The following FASTKD1 variants were observed in gnomAD, a reference collection of about 807,000 sequenced individuals.
FASTKD1 encodes the protein FAST kinase domains 1.
In FASTKD1, 94 loss-of-function variants were observed where a neutral mutation model predicts 90.9. The observed-to-expected ratio is 1.03, with a 90% CI of 0.88 to 1.23. The LOEUF is 1.23. Among genes scored for constraint, FASTKD1 ranks in the 50% most tolerant of loss-of-function variants. The pLI is 0.00. For synonymous variants in FASTKD1, 319 were observed against 345.8 expected (o/e 0.92, Z 0.86); for missense variants, 945 against 993.5 (o/e 0.95, Z 0.66).
At chr2:169,567,071 C>T (rs974577964) in intron 3 of FASTKD1, among the ~76,000 whole-genome samples, 1 of 151,308 alleles carries the variant, frequency 6.6e-6, no homozygotes, top group Non-Finnish European at 1.5e-5. Context: ...GCTGAGATCA[C>T]ACCACTACGC....
At chr2:169,537,027 A>G in intron 12 of FASTKD1, 200 bp downstream of exon 12, 1 of 400,702 alleles carries the variant, frequency 2.5e-6, no homozygotes. Context: ...AGAATAGAAA[A>G]CGCTCTTGGT....
intron 12 of FASTKD1, among the ~76,000 whole-genome samples, chr2:169,534,964 CA>C (rs1202878278): frequency 1.3e-5 from 2 of 151,244 alleles, no homozygotes; most frequent in Non-Finnish European, 1.5e-5. Context: ...CTATGTTAAG[CA>C]TGTCTCATGT....
At chr2:169,563,416 G>A (rs1388370791) in intron 3 of FASTKD1, 66 bp from the exon 4 acceptor site, 2 of 1,137,716 alleles carry the variant, frequency 1.8e-6, no homozygotes, top group Admixed American at 2.8e-5. Context: ...ATAATATATA[G>A]TTATAAAATT....
In FASTKD1 at chr2:169,572,147, G is replaced by A. The variant is rs1684263541; in HGVS notation, c.-118C>T. ...GTATTTTGCTTCCATTACAATGACT[G>A]TAAACGCATTCCAATGTACAGCTTC... On this transcript the variant is annotated 5_prime_UTR_variant, in exon 2 of 15. It introduces an in-frame stop codon into an upstream open reading frame of the 5' UTR. Transcript: ENST00000453153. The A allele has an allele frequency of 3.3e-6, 4 of 1,201,138 alleles. No homozygotes were observed. Among genetic ancestry groups the A allele is most frequent in the Non-Finnish European group, 4.5e-6 (4 of 882,796 alleles). 74.4% of individuals were successfully genotyped at this position (1,201,138 alleles called of 1,614,324 possible). A position where few individuals can be genotyped will look rare whatever the true frequency, so the allele number is the denominator to read the frequency against.
At position 169,572,061 on chromosome 2, in the gene FASTKD1, C is replaced by T; in HGVS notation, c.-32G>A. ...CACAAGTTTTCTTAGGTAAACAAAA[C>T]CATCTGCAACTAGTCGTCAGGTGCA... is the stretch of plus-strand genomic sequence containing the variant. On this transcript the variant is annotated 5_prime_UTR_variant, in exon 2 of 15. Coordinates refer to ENST00000453153, the MANE Select transcript of FASTKD1 (RefSeq NM_024622.6). 6.5e-7 allele frequency: 1 copy of T among 1,536,968 alleles called. No individual in the cohort carries two copies. The highest frequency in any genetic ancestry group is 1.3e-5 in the South Asian group (1 of 77,982).
At position 169,528,833 on chromosome 2, in the gene FASTKD1, C is replaced by T. The variant is rs1350352422; in HGVS notation, c.*992G>A. Among the ~76,000 whole-genome samples, 6 of 152,082 alleles carry T rather than the reference C, an allele frequency of 3.9e-5. No individual in the cohort carries two copies. The highest frequency in any genetic ancestry group is 1.5e-5 in the Non-Finnish European group (1 of 68,016). On this transcript the variant is annotated 3_prime_UTR_variant, in exon 15 of 15. Coordinates refer to ENST00000453153, the MANE Select transcript of FASTKD1 (RefSeq NM_024622.6). ...CACCTCCCCCTTGAAATGCTTTATC[C>T]ACTTGGCTTCTAGGAAGTATTACTT...
Position 169,571,906 on chromosome 2 carries a change from G to C in FASTKD1, c.124C>G (p.Gln42Glu), listed in dbSNP as rs1481461310. The change falls in exon 2 of 15, where the codon CAG (glutamine) becomes GAG (glutamate). Residue 42 changes from glutamine (Q) to glutamate (E), a missense_variant. Transcript: ENST00000453153. ...RPISCEPLII[Q>E]MNKCTDEEQM... Reference sequence around the variant, plus strand: ...TCCTCATCTGTACACTTATTCATCTGAATAATTAGTGGTTCACAACTGATG... The same window carrying C: ...TCCTCATCTGTACACTTATTCATCTCAATAATTAGTGGTTCACAACTGATG... 1.2e-6 allele frequency: 2 copies of C among 1,613,888 alleles called. No homozygotes were observed. The highest frequency in any genetic ancestry group is 2.7e-5 in the African/African-American group (2 of 74,906).
rs562433145 is a variant in FASTKD1, at chr2:169,570,519, A to C, written c.377+1134T>G. Reference sequence around the variant, plus strand: ...ATAAATGAATCTACAAAATCATTTTATTTCTTTTTCCTTTTAAGGGCTATT... The same window carrying C: ...ATAAATGAATCTACAAAATCATTTTCTTTCTTTTTCCTTTTAAGGGCTATT... On this transcript the variant is annotated intron_variant, in intron 2 of 14. Transcript: ENST00000453153. Among the ~76,000 whole-genome samples, 84 of 152,216 alleles carry C rather than the reference A, an allele frequency of 5.5e-4. 1 individual carries two copies. Among genetic ancestry groups the C allele is most frequent in the African/African-American group, 1.7e-3 (71 of 41,534 alleles).
At chr2:169,543,649 C>T (rs1685058183) in intron 9 of FASTKD1, among the ~76,000 whole-genome samples, 1 of 152,158 alleles carries the variant, frequency 6.6e-6, no homozygotes, top group African/African-American at 2.4e-5. Flanking sequence ...CATACGCATA[C>T]GCGCTTGTGC....
intron 14 of FASTKD1, 30 bp from the exon 15 acceptor site, chr2:169,529,956 A>C (rs1380073435): frequency 1.3e-6 from 2 of 1,493,920 alleles, no homozygotes; most frequent in African/African-American, 2.8e-5. Flanking sequence ...TTTGAATGAA[A>C]GTTTTAAAGC....
chr2:169,553,926 AAAAT>A (rs937175546), intron 7 of FASTKD1, among the ~76,000 whole-genome samples: 18 of 151,972 alleles, frequency 1.2e-4, no homozygotes, highest in Admixed American at 5.2e-4. Context: ...CATCTCAAAA[AAAAT>A]AAATAAATAA....
intron 4 of FASTKD1, among the ~76,000 whole-genome samples, chr2:169,562,024 A>ATTATTAATTTATTGTAAATTAT (rs1683695838): frequency 8.6e-6 from 1 of 115,692 alleles, no homozygotes; most frequent in African/African-American, 3.3e-5. Flanking sequence ...TTGTAAATTA[A>ATTATTAATTTATTGTAAATTAT]TTATTTATTA....
intron 6 of FASTKD1, among the ~76,000 whole-genome samples, chr2:169,556,207 C>T (rs978163399): frequency 6.6e-6 from 1 of 151,450 alleles, no homozygotes; most frequent in Non-Finnish European, 1.5e-5. Flanking sequence ...GAGGCTGAGG[C>T]GGATGGATTC....
chr2:169,531,628 A>G (rs1206876152), intron 12 of FASTKD1, 138 bp from the exon 13 acceptor site: 1 of 653,048 alleles, frequency 1.5e-6, no homozygotes, highest in Admixed American at 3.4e-5. Context: ...CTCTCAGATT[A>G]TCCAAGTTAT....
chr2:169,573,231 T>A (rs1487863586), intron 1 of FASTKD1: 5 of 152,172 alleles, frequency 3.3e-5, no homozygotes, highest in African/African-American at 1.2e-4. Context: ...TACAGGCTAT[T>A]TTGTGGCAAG....
Position 169,530,672 on chromosome 2 carries a change from G to T in FASTKD1, c.2357C>A (p.Ala786Glu). Reference sequence around the variant, plus strand: ...CATGTGAGGGATATTTCTACAAAGTGCTTTTGAATCCAAAAATTCCAAAGC... The same window carrying T: ...CATGTGAGGGATATTTCTACAAAGTTCTTTTGAATCCAAAAATTCCAAAGC... The part of the protein sequence containing the change: ...RIALEFLDSK[A>E]LCRNIPHMKG... The change falls in exon 14 of 15, where the codon GCA becomes GAA. Residue 786 changes from alanine (A) to glutamate (E), a missense_variant. Coordinates refer to ENST00000453153, the MANE Select transcript of FASTKD1 (RefSeq NM_024622.6). 6.2e-7 allele frequency: 1 copy of T among 1,602,546 alleles called. No homozygotes were observed. The highest frequency in any genetic ancestry group is 8.5e-7 in the Non-Finnish European group (1 of 1,176,308).
Position 169,563,253 on chromosome 2 carries a change from T to C in FASTKD1, c.544A>G (p.Arg182Gly). The C allele has an allele frequency of 6.2e-7, 1 of 1,611,610 alleles. No homozygotes were observed. The highest frequency in any genetic ancestry group is 8.5e-7 in the Non-Finnish European group (1 of 1,179,520). ...LMGKIADIVHRNLETTQDLSS... is the reference protein window; with the variant it reads ...LMGKIADIVHGNLETTQDLSS... ...AAGTCCTGTGTGGTTTCCAAGTTCC[T>C]ATGAACAATATCAGCTATTTTTCCC... The change falls in exon 4 of 15, where the codon AGG (arginine) becomes GGG (glycine). Residue 182 changes from arginine (R) to glycine (G), a missense_variant. Transcript: ENST00000453153.
At chr2:169,537,012 T>TTTC in intron 12 of FASTKD1, 5 of 283,218 alleles carry the variant, frequency 1.8e-5, no homozygotes, top group South Asian at 5.8e-5. Context: ...TTTTTTTTTT[T>TTTC]CTAAAGAATA....
At chr2:169,569,812 C>T (rs1320271844) in intron 2 of FASTKD1, among the ~76,000 whole-genome samples, 1 of 152,128 alleles carries the variant, frequency 6.6e-6, no homozygotes, top group Non-Finnish European at 1.5e-5. Context: ...GACTGCACCA[C>T]TGCACTCCAG....
Sources: gnomAD v4.1 joint callset for allele counts (sites outside exome capture counted in the v4.1 genomes callset) on GRCh38, gnomAD v4.1.1 for gene constraint, MANE v1.5 for transcripts, NCBI Gene and HGNC (gene_info 2026-07-23, HGNC 2026-07-21) for gene names.